The following LINGO2 variants were observed in gnomAD, a reference collection of about 807,000 sequenced individuals.
The protein encoded by LINGO2 is leucine rich repeat and Ig domain containing 2.
In LINGO2, 14 loss-of-function variants were observed where a neutral mutation model predicts 30.6. The ratio of observed to expected loss-of-function variants is 0.46; its 90% CI spans 0.30 to 0.72. The LOEUF is 0.72. Ranked by LOEUF, LINGO2 falls within the 30% of genes least tolerant of loss-of-function variation. The probability of loss-of-function intolerance (pLI) is 0.07; values close to 1 mark genes in which losing one functional copy is unlikely to be tolerated. For missense variants in LINGO2, 729 were observed against 751.7 expected, an observed-to-expected ratio of 0.97 and a Z score of 0.35; for synonymous variants, 317 against 288.5, an observed-to-expected ratio of 1.10 and a Z score of -1.00.
chr9:28,556,288 T>A (rs1183984638), intron 1 of LINGO2, among the ~76,000 whole-genome samples: 1 of 152,122 alleles, frequency 6.6e-6, no homozygotes, highest in African/African-American at 2.4e-5. Flanking sequence ...GATAAGCAAC[T>A]TCAGCAAAGT....
chr9:27,987,528 G>C (rs1159809079), intron 5 of LINGO2, among the ~76,000 whole-genome samples: 1 of 151,856 alleles, frequency 6.6e-6, no homozygotes, highest in African/African-American at 2.4e-5. Context: ...TAAGACAATA[G>C]CTCTAGATCA....
At chr9:28,341,157 T>C (rs1323563112) in intron 3 of LINGO2, among the ~76,000 whole-genome samples, 2 of 152,086 alleles carry the variant, frequency 1.3e-5, no homozygotes, top group Non-Finnish European at 2.9e-5. Flanking sequence ...ACCAATTCAA[T>C]AGATATGCCT....
the LINGO2 span, among the ~76,000 whole-genome samples, chr9:28,966,471 T>G: frequency 2.0e-5 from 3 of 152,078 alleles, no homozygotes; most frequent in Non-Finnish European, 4.4e-5. Flanking sequence ...AAAGCAAGGT[T>G]GGTGATAAAG....
At chr9:28,473,395 CCT>C (rs377345454) in intron 2 of LINGO2, among the ~76,000 whole-genome samples, 24 of 147,934 alleles carry the variant, frequency 1.6e-4, no homozygotes, top group East Asian at 2.0e-4. Flanking sequence ...ATATCTAGAG[CCT>C]CTCTCTCTCT....
At chr9:28,974,415 C>CA in the LINGO2 span, among the ~76,000 whole-genome samples, 15 of 151,348 alleles carry the variant, frequency 9.9e-5, no homozygotes, top group Admixed American at 7.2e-4. Context: ...CAAAAACAAA[C>CA]AAAAAAAAGA....
intron 5 of LINGO2, among the ~76,000 whole-genome samples, chr9:28,000,612 C>T (rs761896934): frequency 6.6e-6 from 1 of 152,184 alleles, no homozygotes; most frequent in Non-Finnish European, 1.5e-5. Flanking sequence ...CATATTCAAT[C>T]AGACAAACAT....
At chr9:28,394,075 T>A (rs1448579795) in intron 2 of LINGO2, among the ~76,000 whole-genome samples, 1 of 152,104 alleles carries the variant, frequency 6.6e-6, no homozygotes, top group African/African-American at 2.4e-5. Flanking sequence ...TGCAATATAA[T>A]GTTTTCATGA....
At chr9:28,373,552 G>A (rs969856686) in intron 2 of LINGO2, among the ~76,000 whole-genome samples, 11 of 152,112 alleles carry the variant, frequency 7.2e-5, no homozygotes, top group Non-Finnish European at 1.5e-4. Flanking sequence ...TTCTCTTTGA[G>A]GAATAAAGAG....
chr9:28,089,936 C>G (rs1173271003), intron 4 of LINGO2, among the ~76,000 whole-genome samples: 1 of 152,138 alleles, frequency 6.6e-6, no homozygotes, highest in Non-Finnish European at 1.5e-5. Flanking sequence ...CTATAAACAC[C>G]TCTATGCAAA....
chr9:28,255,290 G>T (rs1822345740), intron 4 of LINGO2, among the ~76,000 whole-genome samples: 1 of 151,670 alleles, frequency 6.6e-6, no homozygotes, highest in South Asian at 2.1e-4. Flanking sequence ...ATCTGTACAG[G>T]TATTATAGTA....
At chr9:28,189,053 C>T (rs1819648243) in intron 4 of LINGO2, among the ~76,000 whole-genome samples, 1 of 71,346 alleles carries the variant, frequency 1.4e-5, no homozygotes, top group African/African-American at 4.4e-5. Context: ...AGGATATATC[C>T]CAGAAAAGTT....
At chr9:28,615,925 T>A (rs1028057688) in intron 1 of LINGO2, among the ~76,000 whole-genome samples, 1 of 152,178 alleles carries the variant, frequency 6.6e-6, no homozygotes, top group African/African-American at 2.4e-5. Flanking sequence ...ATATACTGTA[T>A]GACTCCATGT....
intron 4 of LINGO2, among the ~76,000 whole-genome samples, chr9:28,252,040 A>G (rs543015874): frequency 8.5e-5 from 13 of 152,296 alleles, no homozygotes; most frequent in African/African-American, 2.9e-4. Flanking sequence ...TCTATTTTCT[A>G]TAAAATATGA....
At chr9:28,584,809 C>T (rs1431430105) in intron 1 of LINGO2, among the ~76,000 whole-genome samples, 1 of 151,988 alleles carries the variant, frequency 6.6e-6, no homozygotes, top group African/African-American at 2.4e-5. Flanking sequence ...ATTATTTTGT[C>T]ACTAAGTTTA....
chr9:28,573,594 T>C (rs905558816), intron 1 of LINGO2, among the ~76,000 whole-genome samples: 2 of 152,174 alleles, frequency 1.3e-5, no homozygotes, highest in Non-Finnish European at 2.9e-5. Flanking sequence ...TTAAATGTCA[T>C]AGGCCTTATA....
chr9:28,859,797 T>C, the LINGO2 span, among the ~76,000 whole-genome samples: 1 of 152,136 alleles, frequency 6.6e-6, no homozygotes, highest in South Asian at 2.1e-4. Context: ...TATATTTTGG[T>C]ACGTGCAGTA....
At chr9:29,008,086 C>A in the LINGO2 span, among the ~76,000 whole-genome samples, 1 of 152,088 alleles carries the variant, frequency 6.6e-6, no homozygotes, top group African/African-American at 2.4e-5. Flanking sequence ...CTCCCCTAAC[C>A]CCACGACAGG....
chr9:29,184,403 G>T, the LINGO2 span, among the ~76,000 whole-genome samples: 1 of 131,800 alleles, frequency 7.6e-6, no homozygotes, highest in East Asian at 2.2e-4. Flanking sequence ...TTACTGGGCT[G>T]CCAAGTAAAT....
At chr9:28,728,559 A>G in the LINGO2 span, among the ~76,000 whole-genome samples, 3 of 152,142 alleles carry the variant, frequency 2.0e-5, no homozygotes, top group Non-Finnish European at 4.4e-5. Context: ...ATAAACTGTA[A>G]AAGTTGTCAA....
Sources: gnomAD v4.1 joint callset for allele counts (sites outside exome capture counted in the v4.1 genomes callset) on GRCh38, gnomAD v4.1.1 for gene constraint, MANE v1.5 for transcripts, NCBI Gene and HGNC (gene_info 2026-07-23, HGNC 2026-07-21) for gene names.